Variants in CSGALNACT1 observed in about 807,000 individuals in gnomAD.
CSGALNACT1 encodes the protein beta4GalNAcT-1.
Under a neutral mutation model 51.0 loss-of-function variants are expected in CSGALNACT1, and 52 were observed. That is an observed-to-expected ratio of 1.02 (90% CI 0.82 to 1.29). The LOEUF (loss-of-function observed/expected upper bound fraction) is 1.29. CSGALNACT1 is among the 50% of genes most tolerant of loss of function. The pLI is 0.00. For synonymous variants in CSGALNACT1, 341 were observed against 254.4 expected (o/e 1.34, Z -3.24); for missense variants, 935 against 679.2 (o/e 1.38, Z -4.19).
intron 1 of CSGALNACT1, among the ~76,000 whole-genome samples, chr8:19,639,655 T>G (rs1325100983): frequency 6.6e-6 from 1 of 152,056 alleles, no homozygotes; most frequent in Non-Finnish European, 1.5e-5. Context: ...GGCAGGTAAT[T>G]TAACATTTGA....
At chr8:19,747,036 C>A (rs1450081864) in intron 1 of CSGALNACT1, among the ~76,000 whole-genome samples, 4 of 152,200 alleles carry the variant, frequency 2.6e-5, no homozygotes, top group East Asian at 1.9e-4. Flanking sequence ...GCCAAAGAAG[C>A]CCCTCCTCAT....
At chr8:19,617,445 A>C (rs544161418) in intron 1 of CSGALNACT1, among the ~76,000 whole-genome samples, 1 of 152,288 alleles carries the variant, frequency 6.6e-6, no homozygotes, top group South Asian at 2.1e-4. Context: ...ACACCCTAAC[A>C]CAATGTTTAA....
chr8:19,598,629 C>T (rs1428532726), intron 2 of CSGALNACT1, among the ~76,000 whole-genome samples: 5 of 152,150 alleles, frequency 3.3e-5, no homozygotes, highest in East Asian at 1.9e-4. Flanking sequence ...CACAGACTAG[C>T]GGAACTGCAA....
At chr8:19,578,123 T>C (rs1404060805) in intron 3 of CSGALNACT1, among the ~76,000 whole-genome samples, 1 of 152,214 alleles carries the variant, frequency 6.6e-6, no homozygotes, top group Non-Finnish European at 1.5e-5. Flanking sequence ...GCACCGCAGG[T>C]CGTCCCTGAG....
intron 3 of CSGALNACT1, among the ~76,000 whole-genome samples, chr8:19,558,228 C>T (rs569112505): frequency 6.6e-6 from 1 of 152,160 alleles, no homozygotes; most frequent in African/African-American, 2.4e-5. Flanking sequence ...ATTTAAGCTA[C>T]CTTTTGGCAC....
At chr8:19,615,408 T>C (rs573169197) in intron 1 of CSGALNACT1, among the ~76,000 whole-genome samples, 1 of 152,384 alleles carries the variant, frequency 6.6e-6, no homozygotes, top group African/African-American at 2.4e-5. Flanking sequence ...TGACTTCTTT[T>C]GAACCCTCTC....
chr8:19,570,908 T>C (rs149056245), intron 3 of CSGALNACT1, among the ~76,000 whole-genome samples: 86 of 152,204 alleles, frequency 5.7e-4, no homozygotes, highest in African/African-American at 1.9e-3. Flanking sequence ...CAAGACTCCA[T>C]CTCAAAAAAC....
chr8:19,448,601 G>T (rs531864025), intron 5 of CSGALNACT1, among the ~76,000 whole-genome samples: 1 of 152,190 alleles, frequency 6.6e-6, no homozygotes, highest in East Asian at 1.9e-4. Flanking sequence ...TTTCCACTGG[G>T]TGCCAGGGAA....
At chr8:19,404,828 A>G (rs2053839229) in exon 10 of CSGALNACT1, 1 of 454,432 alleles carries the variant, frequency 2.2e-6, no homozygotes, top group Admixed American at 2.4e-5. Context: ...TCTGTAAAGC[A>G]GAAAGTGTCA....
chr8:19,731,822 T>A (rs2063710335), intron 1 of CSGALNACT1, among the ~76,000 whole-genome samples: 1 of 152,256 alleles, frequency 6.6e-6, no homozygotes, highest in East Asian at 1.9e-4. Context: ...GCATCCTCTA[T>A]AATTGTATAT....
intron 1 of CSGALNACT1, among the ~76,000 whole-genome samples, chr8:19,646,351 A>G (rs1039391783): frequency 6.6e-6 from 1 of 152,218 alleles, no homozygotes; most frequent in Admixed American, 6.5e-5. Context: ...CTGATCACTG[A>G]AAAGTTAAAG....
At chr8:19,604,745 TAAAAAAAA>T (rs36019022), upstream of CSGALNACT1, among the ~76,000 whole-genome samples, 35 of 130,314 alleles carry the variant, frequency 2.7e-4, no homozygotes, top group African/African-American at 1.0e-3. Context: ...GTCTCTACTT[TAAAAAAAA>T]AAAAAAAAAA....
chr8:19,655,685 T>C (rs974217190), intron 1 of CSGALNACT1, among the ~76,000 whole-genome samples: 3 of 152,190 alleles, frequency 2.0e-5, no homozygotes, highest in Non-Finnish European at 4.4e-5. Context: ...CTCAAAGTTC[T>C]GGGATTACAG....
At position 19,465,359 on chromosome 8, in the gene CSGALNACT1, G is replaced by A. The variant is rs193051489; in HGVS notation, c.635-6717C>T. Among the ~76,000 whole-genome samples the A allele has an allele frequency of 1.8e-4, 28 of 152,322 alleles. No individual in the cohort carries two copies. The East Asian group carries it at 4.4e-3, about 24-fold the overall frequency. On this transcript the variant is annotated intron_variant, in intron 4 of 9. Coordinates refer to ENST00000454498, the Ensembl canonical transcript of CSGALNACT1. ...GGGCTGGGGAAGCAGGGACTGGGGA[G>A]TGAGTGTCTAATGGGTACAGAGTTT...
chr8:19,612,619 T>C (rs1457567275), intron 1 of CSGALNACT1, among the ~76,000 whole-genome samples: 6 of 152,058 alleles, frequency 3.9e-5, no homozygotes, highest in African/African-American at 1.2e-4. Context: ...ATTTGGGCTT[T>C]CAAGGAGTGA....
At chr8:19,431,508 A>C (rs928349386) in intron 6 of CSGALNACT1, among the ~76,000 whole-genome samples, 1 of 152,070 alleles carries the variant, frequency 6.6e-6, no homozygotes, top group South Asian at 2.1e-4. Context: ...CCTGAAAAAA[A>C]AATCACACTT....
chr8:19,663,814 A>C (rs1432050750), intron 1 of CSGALNACT1, among the ~76,000 whole-genome samples: 1 of 152,280 alleles, frequency 6.6e-6, no homozygotes, highest in Non-Finnish European at 1.5e-5. Flanking sequence ...AGAGCCAGAT[A>C]GATAATGCAG....
In CSGALNACT1 at chr8:19,505,980, G is replaced by A. The variant is rs2077263762; in HGVS notation, c.-146C>T. ...TCCATTTCCTTCTAGAACGAGTTCTGCCTCTTGGAGTTAACCACCACACAG... is the reference window on the plus strand; with the variant it reads ...TCCATTTCCTTCTAGAACGAGTTCTACCTCTTGGAGTTAACCACCACACAG... On this transcript the variant is annotated 5_prime_UTR_variant, in exon 4 of 10. It introduces an in-frame stop codon into an upstream open reading frame of the 5' UTR. Transcript: ENST00000454498. The A allele has an allele frequency of 1.1e-6, 1 of 873,834 alleles. No individual in the cohort carries two copies. Among genetic ancestry groups the A allele is most frequent in the Non-Finnish European group, 1.8e-6 (1 of 542,552 alleles). 54.1% of individuals were successfully genotyped at this position (873,834 alleles called of 1,614,324 possible). A position where few individuals can be genotyped will look rare whatever the true frequency, so the allele number is the denominator to read the frequency against.
chr8:19,472,617 A>C (rs2068456369), intron 4 of CSGALNACT1, among the ~76,000 whole-genome samples: 1 of 152,258 alleles, frequency 6.6e-6, no homozygotes, highest in African/African-American at 2.4e-5. Flanking sequence ...TCTGAGACCA[A>C]TGTCAAAGTA....
Sources: allele counts gnomAD v4.1 joint callset (sites outside exome capture counted in the v4.1 genomes callset), GRCh38; gene constraint gnomAD v4.1.1; transcripts MANE v1.5; gene names NCBI Gene and HGNC (gene_info 2026-07-23, HGNC 2026-07-21).